The following CFDP1 variants were observed in gnomAD, a reference collection of about 807,000 sequenced individuals.
CFDP1 encodes the protein heterochromatin-stabilizing protein CFDP1.
Under a neutral mutation model 40.1 loss-of-function variants are expected in CFDP1, and 31 were observed. That is an observed-to-expected ratio of 0.77 (90% CI 0.58 to 1.04). The LOEUF (loss-of-function observed/expected upper bound fraction) is 1.04, where lower values mean the gene tolerates loss of function less well. Ranked by LOEUF, CFDP1 falls within the 50% of genes least tolerant of loss-of-function variation. CFDP1 has a pLI of 0.00. For synonymous variants in CFDP1, 167 were observed against 120.0 expected, an observed-to-expected ratio of 1.39 and a Z score of -2.56; for missense variants, 423 against 343.4, an observed-to-expected ratio of 1.23 and a Z score of -1.83.
chr16:75,293,864 G>T lies in CFDP1; in HGVS notation c.*88C>A. 1.9e-6 allele frequency: 2 copies of T among 1,057,476 alleles called. No individual in the cohort carries two copies. The highest frequency in any genetic ancestry group is 1.4e-6 in the Non-Finnish European group (1 of 705,054). 65.5% of individuals were successfully genotyped at this position (1,057,476 alleles called of 1,614,324 possible). A position where few individuals can be genotyped will look rare whatever the true frequency, so the allele number is the denominator to read the frequency against. On this transcript the variant is annotated 3_prime_UTR_variant, in exon 7 of 7. Coordinates refer to ENST00000283882, the MANE Select transcript of CFDP1 (RefSeq NM_006324.3). ...AAAAAGACCTTGCTGGGAAACAGAT[G>T]ATGAGAAACACTGTAAAACATTTCA...
chr16:75,322,556 G>A (rs537380644), intron 5 of CFDP1, among the ~76,000 whole-genome samples: 73 of 152,230 alleles, frequency 4.8e-4, no homozygotes, highest in African/African-American at 1.5e-3. Context: ...TAACAGAATG[G>A]TAAGCATCTA....
At position 75,433,415 on chromosome 16, in the gene CFDP1, C is replaced by A; in HGVS notation, c.-63G>T. ...GCAGCAGCCGCCTCCAACGGCAAAG[C>A]TCTAGGGAGAGACCATAGAGCCCCG... is the stretch of plus-strand genomic sequence containing the variant. On this transcript the variant is annotated 5_prime_UTR_variant, in exon 1 of 7. Transcript: ENST00000283882. 1 of 1,505,692 alleles carries A rather than the reference C, an allele frequency of 6.6e-7. No homozygotes were observed. Among genetic ancestry groups the A allele is most frequent in the African/African-American group, 1.4e-5 (1 of 72,476 alleles). The allele number at this position is 1,505,692 out of a possible 1,614,324, so 93.3% of individuals were successfully genotyped here.
At chr16:75,305,684 C>T (rs909821900) in intron 5 of CFDP1, among the ~76,000 whole-genome samples, 1 of 152,160 alleles carries the variant, frequency 6.6e-6, no homozygotes, top group African/African-American at 2.4e-5. Flanking sequence ...AAGCATGAGC[C>T]ACTCTGAGTC....
chr16:75,430,666 G>T (rs546470356), intron 1 of CFDP1, among the ~76,000 whole-genome samples: 1 of 152,164 alleles, frequency 6.6e-6, no homozygotes, highest in East Asian at 1.9e-4. Flanking sequence ...GTTACACCAC[G>T]TTGGCCAGGC....
rs1329544413 is a variant in CFDP1, at chr16:75,374,403, C to T, written c.650+20687G>A. 4.6e-5 allele frequency among the ~76,000 whole-genome samples: 7 copies of T among 152,086 alleles called. No individual in the cohort carries two copies. The East Asian group carries it at 1.4e-3, about 29-fold the overall frequency. The stretch of plus-strand genomic sequence containing the variant: ...ACTTCAGGAAAATAGGCTTAGATTA[C>T]TCCATTTATATAAATAAAAAACACT... On this transcript the variant is annotated intron_variant, in intron 5 of 6. Coordinates refer to ENST00000283882, the MANE Select transcript of CFDP1 (RefSeq NM_006324.3).
At position 75,404,879 on chromosome 16, in the gene CFDP1, C is replaced by T. The variant is rs57240602; in HGVS notation, c.530+6946G>A. ...GGTGGCTCCATAGCACAACGGATAG[C>T]GCGCTGGACTTCTAGACTGGATTTT... On this transcript the variant is annotated intron_variant, in intron 4 of 6. Transcript: ENST00000283882. 0.028 allele frequency among the ~76,000 whole-genome samples: 4,278 copies of T among 152,200 alleles called. 281 individuals are homozygous for T. In the East Asian group the frequency reaches 0.31, roughly 11 times the overall value.
chr16:75,314,517 T>C (rs1050197065), intron 5 of CFDP1, among the ~76,000 whole-genome samples: 2 of 152,154 alleles, frequency 1.3e-5, no homozygotes, highest in African/African-American at 4.8e-5. Context: ...TAATGACAGA[T>C]AAACGGTGTG....
intron 1 of CFDP1, among the ~76,000 whole-genome samples, chr16:75,420,142 A>G (rs1435328641): frequency 1.3e-5 from 2 of 151,922 alleles, no homozygotes; most frequent in Non-Finnish European, 2.9e-5. Context: ...AAAAATTAAA[A>G]AGCAATTTAA....
At chr16:75,334,123 T>C (rs1255854992) in intron 5 of CFDP1, among the ~76,000 whole-genome samples, 1 of 151,796 alleles carries the variant, frequency 6.6e-6, no homozygotes, top group Non-Finnish European at 1.5e-5. Flanking sequence ...TACCTCAAGA[T>C]CATCTTCAAG....
At chr16:75,401,964 G>C (rs1037744364) in intron 4 of CFDP1, among the ~76,000 whole-genome samples, 3 of 152,162 alleles carry the variant, frequency 2.0e-5, no homozygotes, top group African/African-American at 4.8e-5. Flanking sequence ...CATAAAAGCA[G>C]CATGGAAAAA....
At chr16:75,299,211 C>G (rs1299629207) in intron 6 of CFDP1, among the ~76,000 whole-genome samples, 1 of 152,218 alleles carries the variant, frequency 6.6e-6, no homozygotes, top group Non-Finnish European at 1.5e-5. Flanking sequence ...ACAGGCACTT[C>G]AACCAACTCT....
At chr16:75,408,249 T>A (rs1251936405) in intron 4 of CFDP1, among the ~76,000 whole-genome samples, 1 of 152,042 alleles carries the variant, frequency 6.6e-6, no homozygotes, top group Non-Finnish European at 1.5e-5. Flanking sequence ...GAAACTTTTT[T>A]AAAATGTATA....
intron 5 of CFDP1, among the ~76,000 whole-genome samples, chr16:75,387,290 A>G (rs971538412): frequency 1.3e-5 from 2 of 151,998 alleles, no homozygotes; most frequent in East Asian, 3.9e-4. Flanking sequence ...ACAGGCGCCC[A>G]CCACCACGCC....
intron 5 of CFDP1, 38 bp downstream of exon 5, chr16:75,395,052 G>T (rs748718970): frequency 6.2e-7 from 1 of 1,611,196 alleles, no homozygotes; most frequent in African/African-American, 1.3e-5. Context: ...CTTCTCCAAC[G>T]TGCCAAGTAC....
intron 5 of CFDP1, among the ~76,000 whole-genome samples, chr16:75,378,875 A>C (rs989966206): frequency 6.6e-6 from 1 of 152,194 alleles, no homozygotes; most frequent in Admixed American, 6.5e-5. Flanking sequence ...ACAAATTTAA[A>C]AGAGTTGAAA....
At chr16:75,313,820 T>C (rs998239091) in intron 5 of CFDP1, among the ~76,000 whole-genome samples, 9 of 150,374 alleles carry the variant, frequency 6.0e-5, no homozygotes, top group African/African-American at 1.9e-4. Flanking sequence ...AAGTCTGAGT[T>C]GCTGCCCCTA....
intron 5 of CFDP1, among the ~76,000 whole-genome samples, chr16:75,359,290 A>G (rs1220786292): frequency 6.6e-6 from 1 of 152,208 alleles, no homozygotes; most frequent in East Asian, 1.9e-4. Context: ...GAGCGTAAAG[A>G]GGTCCTGAGA....
intron 5 of CFDP1, among the ~76,000 whole-genome samples, chr16:75,352,050 G>C (rs1211722381): frequency 1.6e-5 from 2 of 123,516 alleles, no homozygotes; most frequent in Admixed American, 8.1e-5. Flanking sequence ...GTAAATGAAA[G>C]AATTTATTCG....
intron 1 of CFDP1, among the ~76,000 whole-genome samples, chr16:75,419,622 G>C (rs927866137): frequency 1.3e-5 from 2 of 152,164 alleles, no homozygotes; most frequent in East Asian, 1.9e-4. Flanking sequence ...AGGAGGTTAA[G>C]GCATTCTAAG....
Sources: allele counts gnomAD v4.1 joint callset (sites outside exome capture counted in the v4.1 genomes callset), GRCh38; gene constraint gnomAD v4.1.1; transcripts MANE v1.5; gene names NCBI Gene and HGNC (gene_info 2026-07-23, HGNC 2026-07-21).